Variants in NOL4 observed in about 807,000 individuals in gnomAD.
NOL4 encodes cancer/testis antigen 125.
A neutral mutation model predicts 75.9 loss-of-function variants in NOL4; 17 were observed. The observed-to-expected ratio is 0.22, with a 90% CI of 0.15 to 0.34. The LOEUF (loss-of-function observed/expected upper bound fraction) is 0.34, where lower values mean the gene tolerates loss of function less well. Ranked by LOEUF, NOL4 falls within the 10% of genes least tolerant of loss-of-function variation. The pLI is 1.00. For synonymous variants in NOL4, 292 were observed against 289.9 expected (o/e 1.01, Z -0.07); for missense variants, 614 against 793.5 (o/e 0.77, Z 2.72).
chr18:33,959,012 G>A (rs1339790309), intron 6 of NOL4, among the ~76,000 whole-genome samples: 1 of 152,092 alleles, frequency 6.6e-6, no homozygotes, highest in Non-Finnish European at 1.5e-5. Context: ...AATTGTCTAT[G>A]AGTCTTAAGA....
At chr18:33,855,902 T>C (rs1450485487) in intron 10 of NOL4, among the ~76,000 whole-genome samples, 1 of 152,072 alleles carries the variant, frequency 6.6e-6, no homozygotes, top group Non-Finnish European at 1.5e-5. Context: ...TGGTTGTTGT[T>C]TTAAATAGAC....
intron 2 of NOL4, among the ~76,000 whole-genome samples, chr18:34,127,710 G>T (rs1180708329): frequency 1.3e-5 from 2 of 151,828 alleles, no homozygotes; most frequent in African/African-American, 4.8e-5. Context: ...AGAGTCACAT[G>T]CACAGTTTCA....
intron 9 of NOL4, among the ~76,000 whole-genome samples, chr18:33,915,166 A>G (rs2066639135): frequency 6.6e-6 from 1 of 152,158 alleles, no homozygotes; most frequent in South Asian, 2.1e-4. Flanking sequence ...CTGATAGTGC[A>G]AGTAAGACGA....
At position 34,085,015 on chromosome 18, in the gene NOL4, C is replaced by T. The variant is rs79466788; in HGVS notation, c.772+8450G>A. 8.8e-3 allele frequency among the ~76,000 whole-genome samples: 1,341 copies of T among 152,130 alleles called. 6 individuals carry two copies. Among genetic ancestry groups the T allele is most frequent in the Middle Eastern group, 0.034 (10 of 294 alleles). ...ACGGTAAGAGTTTATAAAGGCTAGC[C>T]AGGTGATAGTAAAAACAAAAACAAA... On this transcript the variant is annotated intron_variant, in intron 5 of 10. Coordinates refer to ENST00000261592, the MANE Select transcript of NOL4 (RefSeq NM_003787.5).
chr18:33,945,388 G>A (rs2068767682), intron 8 of NOL4, among the ~76,000 whole-genome samples: 1 of 151,700 alleles, frequency 6.6e-6, no homozygotes, highest in South Asian at 2.1e-4. Flanking sequence ...TTAACATGGA[G>A]AACGTAAGTA....
At chr18:34,200,727 G>T (rs930723898) in intron 1 of NOL4, among the ~76,000 whole-genome samples, 5 of 151,652 alleles carry the variant, frequency 3.3e-5, no homozygotes, top group African/African-American at 9.7e-5. Context: ...AAAGTCAGCT[G>T]CCAATATAAA....
At chr18:33,869,097 T>C (rs2063570650) in intron 10 of NOL4, among the ~76,000 whole-genome samples, 1 of 151,886 alleles carries the variant, frequency 6.6e-6, no homozygotes, top group Non-Finnish European at 1.5e-5. Context: ...GTCATCTGTA[T>C]TCACATATTT....
chr18:33,950,498 C>A (rs1052778757), intron 8 of NOL4, among the ~76,000 whole-genome samples: 1 of 152,042 alleles, frequency 6.6e-6, no homozygotes, highest in Non-Finnish European at 1.5e-5. Flanking sequence ...AATTTTAATT[C>A]AGTTGAATTC....
At chr18:34,023,410 T>TC (rs1180392324) in intron 5 of NOL4, 2 of 455,980 alleles carry the variant, frequency 4.4e-6, no homozygotes, top group Middle Eastern at 3.2e-4. Flanking sequence ...TATCAGGTCA[T>TC]CACTTTAAAG....
chr18:33,956,384 A>G (rs952898544), intron 8 of NOL4, among the ~76,000 whole-genome samples: 1 of 152,140 alleles, frequency 6.6e-6, no homozygotes, highest in Admixed American at 6.6e-5. Context: ...AGATTTTATG[A>G]TTTGAGATAA....
intron 5 of NOL4, among the ~76,000 whole-genome samples, chr18:34,077,896 C>A (rs541924977): frequency 2.6e-5 from 4 of 152,186 alleles, no homozygotes; most frequent in African/African-American, 9.6e-5. Context: ...CAAATAGTAA[C>A]CTACTCATGT....
intron 9 of NOL4, among the ~76,000 whole-genome samples, chr18:33,931,862 A>C (rs935217850): frequency 2.0e-5 from 3 of 152,086 alleles, no homozygotes; most frequent in African/African-American, 7.2e-5. Context: ...TTATGTTTTT[A>C]AATATATATA....
chr18:34,077,399 G>T (rs772854143), intron 5 of NOL4, among the ~76,000 whole-genome samples: 13 of 151,866 alleles, frequency 8.6e-5, no homozygotes, highest in Non-Finnish European at 1.8e-4. Context: ...TTTTACTAAT[G>T]CTTTCATATA....
rs187145921 is a variant in NOL4 at position 34,029,307 on chromosome 18, T to C, written c.773-9706A>G. Among the ~76,000 whole-genome samples, 434 of 152,274 alleles carry C rather than the reference T, an allele frequency of 2.9e-3. 6 individuals carry two copies. The highest frequency in any genetic ancestry group is 0.014 in the Middle Eastern group (4 of 294). On this transcript the variant is annotated intron_variant, in intron 5 of 10. Coordinates refer to ENST00000261592, the MANE Select transcript of NOL4 (RefSeq NM_003787.5). ...TCACTGTCTCCCTTATTGGGACACA[T>C]CATTCTTAAAAAAATTGACACCCTT... is the stretch of plus-strand genomic sequence containing the variant.
chr18:34,155,232 A>C (rs990599179), intron 1 of NOL4, among the ~76,000 whole-genome samples: 1 of 151,974 alleles, frequency 6.6e-6, no homozygotes, highest in African/African-American at 2.4e-5. Context: ...GGAAAACAAC[A>C]ATGAAAAGAA....
At chr18:34,222,803 A>G (rs2146656420) in intron 1 of NOL4, among the ~76,000 whole-genome samples, 187 bp downstream of exon 1, 1 of 151,928 alleles carries the variant, frequency 6.6e-6, no homozygotes, top group South Asian at 2.1e-4. Flanking sequence ...GACCACAAAG[A>G]CTGTACAGTG....
chr18:33,953,770 A>G (rs904913171), intron 8 of NOL4, among the ~76,000 whole-genome samples: 1 of 152,174 alleles, frequency 6.6e-6, no homozygotes, highest in African/African-American at 2.4e-5. Flanking sequence ...GGAATTAAAT[A>G]CCAAAGATTT....
chr18:34,168,918 C>A (rs146296317), intron 1 of NOL4, among the ~76,000 whole-genome samples: 21 of 151,214 alleles, frequency 1.4e-4, no homozygotes, highest in African/African-American at 4.6e-4. Context: ...ACAAAGAATG[C>A]GATATTAAAA....
intron 5 of NOL4, among the ~76,000 whole-genome samples, chr18:34,045,771 C>T (rs1336023227): frequency 6.6e-6 from 1 of 152,126 alleles, no homozygotes; most frequent in Admixed American, 6.6e-5. Flanking sequence ...AGTGGCCCTT[C>T]TAGCTTAACA....
Sources: gnomAD v4.1 joint callset for allele counts (sites outside exome capture counted in the v4.1 genomes callset) on GRCh38, gnomAD v4.1.1 for gene constraint, MANE v1.5 for transcripts, NCBI Gene and HGNC (gene_info 2026-07-23, HGNC 2026-07-21) for gene names.